The following DOCK3 variants were observed in gnomAD, a reference collection of about 807,000 sequenced individuals.
DOCK3 encodes dedicator of cytokinesis protein 3.
In DOCK3, 60 loss-of-function variants were observed where a neutral mutation model predicts 265.6. That is an observed-to-expected ratio of 0.23 (90% CI 0.18 to 0.28). The LOEUF (loss-of-function observed/expected upper bound fraction) is 0.28, where lower values mean the gene tolerates loss of function less well. DOCK3 is among the 10% of genes least tolerant of loss of function. The pLI is 1.00. For missense variants in DOCK3, 1,981 were observed against 2,594.3 expected, an observed-to-expected ratio of 0.76 and a Z score of 5.14; for synonymous variants, 881 against 938.0, an observed-to-expected ratio of 0.94 and a Z score of 1.11.
chr3:51,092,827 A>G (rs1320561150), intron 9 of DOCK3, among the ~76,000 whole-genome samples: 4 of 151,780 alleles, frequency 2.6e-5, no homozygotes, highest in Non-Finnish European at 5.9e-5. Flanking sequence ...ACAGGCAGCA[A>G]TTTAATCCAT....
intron 7 of DOCK3, among the ~76,000 whole-genome samples, chr3:51,076,829 G>C (rs2082072811): frequency 6.6e-6 from 1 of 152,190 alleles, no homozygotes; most frequent in Non-Finnish European, 1.5e-5. Flanking sequence ...AAGGCACACA[G>C]CATATGGAAG....
intron 5 of DOCK3, among the ~76,000 whole-genome samples, chr3:50,992,379 C>G (rs2108628212): frequency 6.6e-6 from 1 of 152,286 alleles, no homozygotes; most frequent in South Asian, 2.1e-4. Flanking sequence ...CTCACTGCAA[C>G]CTCCATCTGC....
chr3:50,698,517 GTTTTTTTTTT>G lies in DOCK3; in HGVS notation c.37+23233_37+23242del. The stretch of plus-strand genomic sequence containing the variant: ...GTTTCTCTGTGGATGTATGTTTTTG[GTTTTTTTTTT>G]TTTTTTTTTTTTTTTGCTATATACC... On this transcript the variant is annotated intron_variant, in intron 1 of 52. Coordinates refer to ENST00000266037, the MANE Select transcript of DOCK3 (RefSeq NM_004947.5). 9.2e-4 allele frequency among the ~76,000 whole-genome samples: 18 copies of G among 19,516 alleles called. 1 individual carries two copies. Among genetic ancestry groups the G allele is most frequent in the South Asian group, 8.1e-3 (2 of 248 alleles). 12.8% of individuals were successfully genotyped at this position (19,516 alleles called of 152,430 possible).
intron 23 of DOCK3, among the ~76,000 whole-genome samples, chr3:51,265,593 C>G (rs2080117647): frequency 6.6e-6 from 1 of 152,288 alleles, no homozygotes; most frequent in South Asian, 2.1e-4. Context: ...GAACCAATGA[C>G]AAAAACTACT....
At chr3:51,379,605 C>T (rs1240722570) in intron 51 of DOCK3, 4 of 985,368 alleles carry the variant, frequency 4.1e-6, no homozygotes, top group Admixed American at 6.1e-5. Context: ...CCCGATAGTC[C>T]CTGGTCTCAG....
chr3:51,260,455 A>G (rs769496510), intron 23 of DOCK3, 129 bp downstream of exon 23: 2 of 1,131,142 alleles, frequency 1.8e-6, no homozygotes, highest in Non-Finnish European at 2.4e-6. Flanking sequence ...GATTATTTAC[A>G]AGGAAATACC....
chr3:50,822,716 C>T (rs1238551905), intron 2 of DOCK3, among the ~76,000 whole-genome samples: 1 of 152,066 alleles, frequency 6.6e-6, no homozygotes, highest in East Asian at 1.9e-4. Context: ...TGGTACCATA[C>T]TCCTGGGCTC....
intron 7 of DOCK3, among the ~76,000 whole-genome samples, chr3:51,081,826 G>A (rs1408459824): frequency 6.6e-6 from 1 of 151,120 alleles, no homozygotes; most frequent in African/African-American, 2.4e-5. Context: ...AACCTGGGTG[G>A]TGGAGCTTGC....
rs2083126597 is a variant in DOCK3, at chr3:51,312,422, C to T, written c.3094-54C>T. The T allele has an allele frequency of 2.7e-6, 4 of 1,463,360 alleles. No homozygotes were observed. The Admixed American group carries it at 7.1e-5, about 26-fold the overall frequency. The allele number at this position is 1,463,360 out of a possible 1,614,324, so 90.6% of individuals were successfully genotyped here. ...TACATGCATGTATTTAGTAACGCTCCCTACAAGATTAAGTTCTTAGACTGT... is the reference window on the plus strand; with the variant it reads ...TACATGCATGTATTTAGTAACGCTCTCTACAAGATTAAGTTCTTAGACTGT... On this transcript the variant is annotated intron_variant, in intron 29 of 52. Transcript: ENST00000266037.
intron 4 of DOCK3, among the ~76,000 whole-genome samples, chr3:50,902,864 G>A (rs2049272846): frequency 1.3e-5 from 2 of 152,106 alleles, no homozygotes; most frequent in Non-Finnish European, 2.9e-5. Flanking sequence ...GCGGTTTGTA[G>A]TTCTCCCTGA....
At position 51,227,362 on chromosome 3, in the gene DOCK3, G is replaced by A. The variant is rs879345248; in HGVS notation, c.1457G>A (p.Arg486His). 4.3e-6 allele frequency: 7 copies of A among 1,613,780 alleles called. No homozygotes were observed. The highest frequency in any genetic ancestry group is 2.2e-5 in the East Asian group (1 of 44,890). The change falls in exon 16 of 53, where the codon CGC becomes CAC. Residue 486 changes from arginine (R) to histidine (H), a missense_variant. By Grantham distance (29) the Arg-to-His change is conservative. Around this residue, in one of 4 missense-constraint regions of DOCK3, gnomAD observed 1,357 missense variants for 1,866.8 expected, o/e 0.73. Coordinates refer to ENST00000266037, the MANE Select transcript of DOCK3 (RefSeq NM_004947.5). ...SFVLYHSNSP[R>H]WGEIIKLPIP... ...GTCCTCTACCACAGTAATAGTCCTC[G>A]CTGGGGAGAAATTATCAAATTGCCT...
intron 14 of DOCK3, among the ~76,000 whole-genome samples, chr3:51,216,487 G>T (rs1326862811): frequency 1.3e-5 from 2 of 152,184 alleles, no homozygotes; most frequent in African/African-American, 4.8e-5. Context: ...CCAGGGTGGG[G>T]CTGTGAGCCT....
chr3:50,787,875 T>A lies in DOCK3; in HGVS notation c.121+9117T>A, dbSNP rs947152614. 2.8e-6 allele frequency: 3 copies of A among 1,076,780 alleles called. No individual in the cohort carries two copies. In the African/African-American group the frequency reaches 4.6e-5, roughly 17 times the overall value. The allele number at this position is 1,076,780 out of a possible 1,614,324, so 66.7% of individuals were successfully genotyped here. A position where few individuals can be genotyped will look rare whatever the true frequency, so the allele number is the denominator to read the frequency against. ...TCTTTGGATTGAGAAGAGGTACCCTTTTCCCCTTTAGGTACATTTAATGTT... is the reference window on the plus strand; with the variant it reads ...TCTTTGGATTGAGAAGAGGTACCCTATTCCCCTTTAGGTACATTTAATGTT... On this transcript the variant is annotated intron_variant, in intron 2 of 52. Transcript: ENST00000266037.
At chr3:51,368,683 G>C (rs2087442647) in intron 49 of DOCK3, among the ~76,000 whole-genome samples, 1 of 152,240 alleles carries the variant, frequency 6.6e-6, no homozygotes, top group Non-Finnish European at 1.5e-5. Flanking sequence ...AAACGTCCCT[G>C]TCTGACAGCT....
At chr3:51,035,571 C>G (rs1324458195) in intron 5 of DOCK3, among the ~76,000 whole-genome samples, 1 of 152,158 alleles carries the variant, frequency 6.6e-6, no homozygotes, top group Non-Finnish European at 1.5e-5. Context: ...GGGTTGACAT[C>G]TGTTGACTGT....
intron 22 of DOCK3, among the ~76,000 whole-genome samples, chr3:51,255,999 G>GT (rs202216373): frequency 0.013 from 2,042 of 152,184 alleles, 54 homozygotes; most frequent in African/African-American, 0.045. Flanking sequence ...CATCTTTGTG[G>GT]TTTTATCTAC....
At chr3:51,229,722 G>A in intron 19 of DOCK3, 113 bp downstream of exon 19, 1 of 569,916 alleles carries the variant, frequency 1.8e-6, no homozygotes, top group Non-Finnish European at 2.7e-6. Context: ...TCAGATTTTT[G>A]TTGTTGTTGT....
intron 5 of DOCK3, among the ~76,000 whole-genome samples, chr3:50,937,174 G>A (rs1007416993): frequency 3.3e-5 from 5 of 151,684 alleles, no homozygotes; most frequent in African/African-American, 1.2e-4. Context: ...CTACATGGGA[G>A]GCTGAAACAG....
At chr3:50,879,536 G>C (rs532100775) in intron 3 of DOCK3, among the ~76,000 whole-genome samples, 105 of 152,226 alleles carry the variant, frequency 6.9e-4, no homozygotes, top group African/African-American at 2.4e-3. Flanking sequence ...ACAAAGAAGG[G>C]CATTACATAA....
Sources: allele counts gnomAD v4.1 joint callset (sites outside exome capture counted in the v4.1 genomes callset), GRCh38; gene constraint gnomAD v4.1.1; regional missense constraint gnomAD v4.1.1; transcripts MANE v1.5; gene names NCBI Gene and HGNC (gene_info 2026-07-23, HGNC 2026-07-21).